Variants in RNF121 observed in about 807,000 individuals in gnomAD.
RNF121 encodes ring finger protein 121, also known as E3 ubiquitin ligase RNF121.
A neutral mutation model predicts 46.5 loss-of-function variants in RNF121; 21 were observed. The observed-to-expected ratio is 0.45, with a 90% confidence interval of 0.32 to 0.65. RNF121 has a LOEUF of 0.65. RNF121 is among the 30% of genes least tolerant of loss of function. The pLI, the probability that RNF121 is intolerant of heterozygous loss-of-function variation, is 0.04. For missense variants in RNF121, 346 were observed against 416.0 expected (o/e 0.83, Z 1.46); for synonymous variants, 139 against 144.7 (o/e 0.96, Z 0.28).
intron 1 of RNF121, among the ~76,000 whole-genome samples, chr11:71,943,626 G>GGAAAA (rs1297719957): frequency 6.6e-6 from 1 of 152,202 alleles, no homozygotes; most frequent in Admixed American, 6.5e-5. Flanking sequence ...GGTTGCTCAT[G>GGAAAA]GTGTAGTGGA....
chr11:71,986,314 C>T (rs1355508622), intron 4 of RNF121, among the ~76,000 whole-genome samples: 3 of 152,206 alleles, frequency 2.0e-5, no homozygotes, highest in Non-Finnish European at 2.9e-5. Flanking sequence ...TGTTTCTGAA[C>T]AACTAGCCTT....
At chr11:71,990,428 TG>T (rs1248104250) in intron 5 of RNF121, among the ~76,000 whole-genome samples, 168 bp from the exon 6 acceptor site, 1 of 152,194 alleles carries the variant, frequency 6.6e-6, no homozygotes, top group African/African-American at 2.4e-5. Context: ...GAGGTGTTCA[TG>T]GGCCATATAA....
intron 3 of RNF121, among the ~76,000 whole-genome samples, chr11:71,964,282 A>G (rs564407994): frequency 6.6e-6 from 1 of 152,162 alleles, no homozygotes; most frequent in Non-Finnish European, 1.5e-5. Flanking sequence ...TGTTAATGGA[A>G]TTTTTAAAAA....
chr11:71,973,013 C>T (rs551575078), intron 3 of RNF121, among the ~76,000 whole-genome samples: 2 of 152,160 alleles, frequency 1.3e-5, no homozygotes, highest in South Asian at 4.2e-4. Flanking sequence ...ATGGAGAAAC[C>T]TTGTCTCTAC....
At chr11:71,935,034 C>G (rs1953375093) in intron 1 of RNF121, among the ~76,000 whole-genome samples, 1 of 150,928 alleles carries the variant, frequency 6.6e-6, no homozygotes, top group Non-Finnish European at 1.5e-5. Flanking sequence ...CTCAGCCTCC[C>G]AGGCTCAGGT....
intron 1 of RNF121, among the ~76,000 whole-genome samples, chr11:71,953,990 C>T (rs1248051871): frequency 6.6e-6 from 1 of 152,146 alleles, no homozygotes; most frequent in Admixed American, 6.5e-5. Flanking sequence ...GACTGGGGGC[C>T]TTGTGAGATC....
chr11:71,932,506 A>C (rs1953299576), intron 1 of RNF121, among the ~76,000 whole-genome samples: 1 of 152,228 alleles, frequency 6.6e-6, no homozygotes, highest in Non-Finnish European at 1.5e-5. Flanking sequence ...GTATCGTCTT[A>C]ATCATCTCAT....
intron 1 of RNF121, among the ~76,000 whole-genome samples, chr11:71,936,570 A>G (rs1953418433): frequency 6.6e-6 from 1 of 151,646 alleles, no homozygotes. Flanking sequence ...TTATTTTTGT[A>G]TTTTTAGTAG....
chr11:71,966,220 C>A (rs755982572), intron 3 of RNF121, among the ~76,000 whole-genome samples: 1 of 152,074 alleles, frequency 6.6e-6, no homozygotes, highest in Non-Finnish European at 1.5e-5. Flanking sequence ...GGTTTCTCCA[C>A]GTTGGTCAGG....
At chr11:71,942,736 C>T (rs545027144) in intron 1 of RNF121, among the ~76,000 whole-genome samples, 43 of 148,342 alleles carry the variant, frequency 2.9e-4, no homozygotes, top group Admixed American at 7.4e-4. Context: ...TGCACTCCAG[C>T]GAGACTCTGT....
chr11:71,957,373 C>T (rs913837658), intron 2 of RNF121, 109 bp downstream of exon 2: 1 of 787,994 alleles, frequency 1.3e-6, no homozygotes, highest in Non-Finnish European at 2.3e-6. Flanking sequence ...GGCAGTGGCT[C>T]ATGACCGGTA....
intron 5 of RNF121, among the ~76,000 whole-genome samples, chr11:71,989,462 A>G (rs1352004037): frequency 6.6e-6 from 1 of 152,180 alleles, no homozygotes; most frequent in Non-Finnish European, 1.5e-5. Context: ...AGGAAAACAG[A>G]ATTGAGAATC....
chr11:71,955,409 C>T (rs1205515703), intron 1 of RNF121, among the ~76,000 whole-genome samples: 2 of 152,074 alleles, frequency 1.3e-5, no homozygotes, highest in Non-Finnish European at 2.9e-5. Flanking sequence ...TTCTATCAAG[C>T]ACCCAAATGA....
At chr11:71,992,834 ATTTT>A (rs59848440) in intron 6 of RNF121, among the ~76,000 whole-genome samples, 134,825 of 151,830 alleles carry the variant, frequency 0.89, 60,107 homozygotes, top group Non-Finnish European at 0.94. Flanking sequence ...AAATATTTCT[ATTTT>A]TTTTTTCAGA....
At chr11:71,959,832 C>T (rs935454555) in intron 2 of RNF121, among the ~76,000 whole-genome samples, 3 of 152,064 alleles carry the variant, frequency 2.0e-5, no homozygotes, top group African/African-American at 4.8e-5. Context: ...GACGGGGTTT[C>T]GCCATGTTGG....
At chr11:71,978,014 T>C (rs148607097) in intron 3 of RNF121, 4 of 289,672 alleles carry the variant, frequency 1.4e-5, no homozygotes, top group African/African-American at 6.9e-5. Context: ...TTTAAACATA[T>C]TTACCAAGCA....
At chr11:71,939,245 C>A in intron 1 of RNF121, 1 of 194,054 alleles carries the variant, frequency 5.2e-6, no homozygotes, top group Non-Finnish European at 1.1e-5. Context: ...CATTTTTAAG[C>A]ATGTGCAGCA....
At chr11:71,952,989 G>T (rs562292936) in intron 1 of RNF121, among the ~76,000 whole-genome samples, 2 of 152,070 alleles carry the variant, frequency 1.3e-5, no homozygotes, top group Non-Finnish European at 2.9e-5. Flanking sequence ...AGAACTCAAA[G>T]AAAAAACATA....
At chr11:71,972,716 C>G (rs1323285148) in intron 3 of RNF121, among the ~76,000 whole-genome samples, 2 of 151,968 alleles carry the variant, frequency 1.3e-5, no homozygotes, top group African/African-American at 4.8e-5. Context: ...TGCCAAATGT[C>G]CCCTGGGAAA....
Sources: allele counts gnomAD v4.1 joint callset (sites outside exome capture counted in the v4.1 genomes callset), GRCh38; gene constraint gnomAD v4.1.1; transcripts MANE v1.5; gene names NCBI Gene and HGNC (gene_info 2026-07-23, HGNC 2026-07-21).